The following COL6A6 variants were observed in gnomAD, a reference collection of about 807,000 sequenced individuals.
COL6A6 encodes the protein collagen alpha-6(VI) chain.
A neutral mutation model predicts 208.6 loss-of-function variants in COL6A6; 183 were observed. That is an observed-to-expected ratio of 0.88 (90% CI 0.78 to 0.99). The LOEUF (loss-of-function observed/expected upper bound fraction) is 0.99, where lower values mean the gene tolerates loss of function less well. Among genes scored for constraint, COL6A6 ranks in the 50% least tolerant of loss-of-function variants. The probability of loss-of-function intolerance (pLI) is 0.00; values close to 1 mark genes in which losing one functional copy is unlikely to be tolerated. For missense variants in COL6A6, 2,816 were observed against 2,815.2 expected (o/e 1.00, Z -0.01); for synonymous variants, 973 against 1,011.8 (o/e 0.96, Z 0.73).
At chr3:130,591,988 C>G (rs993275662) in intron 13 of COL6A6, among the ~76,000 whole-genome samples, 1 of 152,162 alleles carries the variant, frequency 6.6e-6, no homozygotes, top group African/African-American at 2.4e-5. Context: ...ACATGGTTAA[C>G]ATGGATGGAA....
chr3:130,531,039 GACACACACACACACACACACAGTCTCTC>G (rs1208370955), intron 1 of COL6A6, among the ~76,000 whole-genome samples: 57 of 138,050 alleles, frequency 4.1e-4, no homozygotes, highest in African/African-American at 1.7e-3. Context: ...CACACACACA[GACACACACACACACACACACAGTCTCTC>G]TCTCTCTCTC....
chr3:130,642,511 C>T (rs2065345900), intron 29 of COL6A6, among the ~76,000 whole-genome samples: 2 of 152,150 alleles, frequency 1.3e-5, no homozygotes, highest in South Asian at 2.1e-4. Context: ...CGTAGGCGTG[C>T]TCCAGAGCTC....
At chr3:130,593,588 AG>A (rs1418419529) in intron 17 of COL6A6, among the ~76,000 whole-genome samples, 1 of 152,196 alleles carries the variant, frequency 6.6e-6, no homozygotes, top group African/African-American at 2.4e-5. Context: ...TAGAACTCTC[AG>A]GTCTTCTTCA....
Position 130,599,896 on chromosome 3 carries a change from A to G in COL6A6, c.4653+86A>G, listed in dbSNP as rs921841492. On this transcript the variant is annotated intron_variant, in intron 20 of 36. Coordinates refer to ENST00000358511, the MANE Select transcript of COL6A6 (RefSeq NM_001102608.3). ...GGCTGACTTTGGGGGAGTGGGTGGGATGGTTCTGCTGGAGCTCACTACCTT... is the reference window on the plus strand; with the variant it reads ...GGCTGACTTTGGGGGAGTGGGTGGGGTGGTTCTGCTGGAGCTCACTACCTT... 2.4e-6 allele frequency: 3 copies of G among 1,276,144 alleles called. No individual in the cohort carries two copies. In the African/African-American group the frequency reaches 4.4e-5, roughly 19 times the overall value. 79.1% of individuals were successfully genotyped at this position (1,276,144 alleles called of 1,614,324 possible). A position where few individuals can be genotyped will look rare whatever the true frequency, so the allele number is the denominator to read the frequency against.
chr3:130,610,859 ACAT>A, intron 23 of COL6A6, 148 bp downstream of exon 23: 1 of 619,392 alleles, frequency 1.6e-6, no homozygotes, highest in Admixed American at 3.0e-5. Context: ...TGGCCACATC[ACAT>A]CATGGTCCCC....
In COL6A6 at chr3:130,565,421, C is replaced by T. The variant is rs775457700; in HGVS notation, c.1089C>T (p.Phe363=). The T allele has an allele frequency of 1.2e-6, 2 of 1,613,906 alleles. No homozygotes were observed. Among genetic ancestry groups the T allele is most frequent in the South Asian group, 2.2e-5 (2 of 91,082 alleles). The change falls in exon 4 of 37, where the codon TTC becomes TTT. Residue 363 remains phenylalanine (F), a synonymous_variant. Transcript: ENST00000358511. The part of the protein sequence containing the change: ...VNLRREGVTI[F]TLGIEGASDT... The stretch of plus-strand genomic sequence containing the variant: ...TCCGACGGGAGGGTGTGACCATCTT[C>T]ACCCTGGGCATAGAGGGCGCCAGCG...
Position 130,571,292 on chromosome 3 carries a change from TGGCAG to T in COL6A6, c.2878_2882del (p.Ala960IlefsTer34), listed in dbSNP as rs755302976. 2 of 1,613,908 alleles carry T rather than the reference TGGCAG, an allele frequency of 1.2e-6. No individual in the cohort carries two copies. The highest frequency in any genetic ancestry group is 2.7e-5 in the African/African-American group (2 of 74,944). Reference sequence around the variant, plus strand: ...GCCAATCCCGTGGAGCTGTTAGCCATGGCAGGATCAAGCGACAAGTACTTCTTCGT... The same window carrying T: ...GCCAATCCCGTGGAGCTGTTAGCCATGATCAAGCGACAAGTACTTCTTCGT... On this transcript the variant is annotated frameshift_variant, in exon 7 of 37. Transcript: ENST00000358511. LOFTEE classifies it high-confidence loss of function.
intron 8 of COL6A6, among the ~76,000 whole-genome samples, chr3:130,577,418 C>G (rs2063324183): frequency 6.6e-6 from 1 of 152,176 alleles, no homozygotes; most frequent in South Asian, 2.1e-4. Context: ...GAACTAATAT[C>G]TAAGTGTTGT....
Position 130,565,312 on chromosome 3 carries a change from G to A in COL6A6, c.980G>A (p.Arg327Gln), listed in dbSNP as rs182466724. Reference protein sequence around the residue: ...KEVFSARNGSRKNQGVPQIAV... With the variant: ...KEVFSARNGSQKNQGVPQIAV... ...GTTTTTAGTGCACGGAATGGCAGTC[G>A]GAAGAATCAGGGGGTGCCCCAGATT... The change falls in exon 4 of 37, where the codon CGG becomes CAG. Residue 327 changes from arginine (R) to glutamine (Q), a missense_variant. Physicochemically the swap from Arg to Gln is conservative, Grantham distance 43. Coordinates refer to ENST00000358511, the MANE Select transcript of COL6A6 (RefSeq NM_001102608.3). The A allele has an allele frequency of 6.4e-5, 104 of 1,613,898 alleles. No individual in the cohort carries two copies. In the East Asian group the frequency reaches 1.2e-3, roughly 19 times the overall value.
intron 36 of COL6A6, among the ~76,000 whole-genome samples, chr3:130,673,320 A>T (rs1184879351): frequency 2.3e-4 from 35 of 152,040 alleles, no homozygotes; most frequent in Admixed American, 2.3e-3. Context: ...GAGAATAAAA[A>T]TATTTGAGAG....
In COL6A6 at chr3:130,649,438, TCAG is replaced by T; in HGVS notation, c.5614_5616del (p.Ser1872del). ...CACACGAGAAAAATCGCCACATTTT[TCAG>T]CAGCGGTCAGTCCGCGGATGCCCAC... On this transcript the variant is annotated inframe_deletion, in exon 33 of 37. Coordinates refer to ENST00000358511, the MANE Select transcript of COL6A6 (RefSeq NM_001102608.3). The T allele has an allele frequency of 6.2e-7, 1 of 1,612,994 alleles. No homozygotes were observed. Among genetic ancestry groups the T allele is most frequent in the African/African-American group, 1.3e-5 (1 of 75,034 alleles).
At chr3:130,582,190 T>G (rs930837143) in intron 10 of COL6A6, 122 bp downstream of exon 10, 7 of 647,950 alleles carry the variant, frequency 1.1e-5, no homozygotes, top group Non-Finnish European at 1.9e-5. Context: ...ACAATCTCCG[T>G]ATTCTGTATG....
intron 1 of COL6A6, among the ~76,000 whole-genome samples, chr3:130,552,838 A>G (rs1428044883): frequency 6.6e-6 from 1 of 152,150 alleles, no homozygotes; most frequent in African/African-American, 2.4e-5. Flanking sequence ...CTCTTAAGGC[A>G]GGTCTGGTAA....
chr3:130,531,653 T>G lies in COL6A6; in HGVS notation c.-32+14256T>G, dbSNP rs545653775. On this transcript the variant is annotated intron_variant, in intron 1 of 36. Coordinates refer to ENST00000358511, the MANE Select transcript of COL6A6 (RefSeq NM_001102608.3). ...TTTTCACAGAGTTTTCTAATGTGCT[T>G]CTTATAGTCTCATAGGCCTGTGCTT... is the stretch of plus-strand genomic sequence containing the variant. 9.3e-4 allele frequency among the ~76,000 whole-genome samples: 142 copies of G among 152,322 alleles called. 1 individual carries two copies. In the Middle Eastern group the frequency reaches 0.017, roughly 18 times the overall value.
chr3:130,600,284 A>G (rs1162922939), intron 20 of COL6A6, among the ~76,000 whole-genome samples: 1 of 152,228 alleles, frequency 6.6e-6, no homozygotes, highest in African/African-American at 2.4e-5. Context: ...AAATTAGTTC[A>G]ACCATTGTGG....
intron 36 of COL6A6, among the ~76,000 whole-genome samples, chr3:130,666,669 C>G (rs1049937555): frequency 3.3e-5 from 5 of 151,670 alleles, no homozygotes; most frequent in African/African-American, 1.2e-4. Context: ...ACAGAAAATG[C>G]TGAAATAGAA....
chr3:130,520,550 T>G (rs1305744037), intron 1 of COL6A6, among the ~76,000 whole-genome samples: 1 of 152,212 alleles, frequency 6.6e-6, no homozygotes, highest in Non-Finnish European at 1.5e-5. Flanking sequence ...TTGTGTCTCT[T>G]GTATCCCTAA....
chr3:130,658,107 T>C (rs565819961), intron 33 of COL6A6, among the ~76,000 whole-genome samples: 1 of 152,288 alleles, frequency 6.6e-6, no homozygotes, highest in African/African-American at 2.4e-5. Flanking sequence ...AAAGACAGCT[T>C]CAATGCCTAG....
intron 24 of COL6A6, among the ~76,000 whole-genome samples, chr3:130,624,162 C>T (rs1056628839): frequency 1.3e-5 from 2 of 151,984 alleles, no homozygotes; most frequent in Non-Finnish European, 2.9e-5. Flanking sequence ...CTGGCAAGGT[C>T]TAGGAAAGGT....
Sources: gnomAD v4.1 joint callset for allele counts (sites outside exome capture counted in the v4.1 genomes callset) on GRCh38, gnomAD v4.1.1 for gene constraint, MANE v1.5 for transcripts, NCBI Gene and HGNC (gene_info 2026-07-23, HGNC 2026-07-21) for gene names.